Variants in HDAC4 observed in about 807,000 individuals in gnomAD.
HDAC4 encodes histone deacetylase A.
A neutral mutation model predicts 135.1 loss-of-function variants in HDAC4; 16 were observed. That is an observed-to-expected ratio of 0.12 (90% CI 0.08 to 0.18). The LOEUF (loss-of-function observed/expected upper bound fraction) is 0.18, where lower values mean the gene tolerates loss of function less well. HDAC4 is among the 10% of genes least tolerant of loss of function. The probability of loss-of-function intolerance (pLI) is 1.00; values close to 1 mark genes in which losing one functional copy is unlikely to be tolerated. For synonymous variants in HDAC4, 685 were observed against 653.4 expected, an observed-to-expected ratio of 1.05 and a Z score of -0.74; for missense variants, 1,143 against 1,511.8, an observed-to-expected ratio of 0.76 and a Z score of 4.05.
intron 2 of HDAC4, among the ~76,000 whole-genome samples, chr2:239,319,179 A>C (rs1334831346): frequency 6.6e-6 from 1 of 152,252 alleles, no homozygotes; most frequent in African/African-American, 2.4e-5. Context: ...AAAAACCAGA[A>C]TATCTGATAT....
intron 12 of HDAC4, among the ~76,000 whole-genome samples, chr2:239,125,933 G>A (rs2040154103): frequency 6.6e-6 from 1 of 152,248 alleles, no homozygotes; most frequent in African/African-American, 2.4e-5. Flanking sequence ...GGGCCCCCCG[G>A]CCCTGTACGC....
At chr2:239,324,050 G>C (rs1343340887) in intron 2 of HDAC4, among the ~76,000 whole-genome samples, 4 of 152,164 alleles carry the variant, frequency 2.6e-5, no homozygotes, top group Admixed American at 2.6e-4. Flanking sequence ...ACAAAGGCTG[G>C]TGTAACTTTT....
At chr2:239,233,458 GAA>G (rs76168990) in intron 3 of HDAC4, among the ~76,000 whole-genome samples, 58 of 128,360 alleles carry the variant, frequency 4.5e-4, no homozygotes, top group African/African-American at 1.3e-3. Flanking sequence ...TCCAAAATCC[GAA>G]AAAAAAAAAA....
In HDAC4 at chr2:239,230,368, C is replaced by CAAAAAAAAAAAA. The variant is rs56105562; in HGVS notation, c.94+6213_94+6224dup. Among the ~76,000 whole-genome samples, 33 of 79,390 alleles carry CAAAAAAAAAAAA rather than the reference C, an allele frequency of 4.2e-4. 1 individual carries two copies. The highest frequency in any genetic ancestry group is 1.1e-3 in the African/African-American group (22 of 19,326). The allele number at this position is 79,390 out of a possible 152,430, so 52.1% of individuals were successfully genotyped here. Reference sequence around the variant, plus strand: ...TAAAAATTAAAACAAAGCAAGCAAGCAAAAAAAAAAAAAAAAAAAAAAGCA... The same window carrying CAAAAAAAAAAAA: ...TAAAAATTAAAACAAAGCAAGCAAGCAAAAAAAAAAAAAAAAAAAAAAAAAAAAAAAAAAGCA... On this transcript the variant is annotated intron_variant, in intron 3 of 26. Coordinates refer to ENST00000543185, the MANE Select transcript of HDAC4 (RefSeq NM_001378414.1).
chr2:239,205,048 A>G (rs2045962782), intron 3 of HDAC4, among the ~76,000 whole-genome samples: 1 of 151,926 alleles, frequency 6.6e-6, no homozygotes, highest in Admixed American at 6.6e-5. Flanking sequence ...TCAGCACTGA[A>G]CTCCTGCAGG....
chr2:239,331,261 G>T lies in HDAC4; in HGVS notation c.22+21417C>A, dbSNP rs574428574. 6.6e-6 allele frequency among the ~76,000 whole-genome samples: 1 copy of T among 151,998 alleles called. No homozygotes were observed. The highest frequency in any genetic ancestry group is 1.5e-5 in the Non-Finnish European group (1 of 68,018). On this transcript the variant is annotated intron_variant, in intron 2 of 26. Transcript: ENST00000543185. The surrounding 1 kb of genome is among the most constrained non-coding windows in gnomAD (Gnocchi z 4.5). ...TGGAATGAATTCTTCCTTCATATTC[G>T]AGGGGAAAACGGTAAAAGCCACGAG...
chr2:239,183,807 A>G (rs1268243461), intron 4 of HDAC4, among the ~76,000 whole-genome samples: 3 of 152,174 alleles, frequency 2.0e-5, no homozygotes, highest in Non-Finnish European at 4.4e-5. Context: ...CAGCTGCCTC[A>G]GGTGACCAGA....
In HDAC4 at chr2:239,308,414, G is replaced by A. The variant is rs1380214009; in HGVS notation, c.22+44264C>T. ...AGGCTGTAATCAACTTGGGAGTGAG[G>A]AGTTCCTTAGCTTCCTGTTTTCAGA... On this transcript the variant is annotated intron_variant, in intron 2 of 26. Coordinates refer to ENST00000543185, the MANE Select transcript of HDAC4 (RefSeq NM_001378414.1). This position sits in a 1 kb window ranked among gnomAD's most constrained non-coding sequence, Gnocchi z 4.2. Among the ~76,000 whole-genome samples, 1 of 150,024 alleles carries A rather than the reference G, an allele frequency of 6.7e-6. No homozygotes were observed. Among genetic ancestry groups the A allele is most frequent in the Non-Finnish European group, 1.5e-5 (1 of 67,966 alleles).
chr2:239,200,793 C>T (rs2045707857), intron 3 of HDAC4, among the ~76,000 whole-genome samples: 2 of 152,002 alleles, frequency 1.3e-5, no homozygotes, highest in African/African-American at 4.8e-5. Flanking sequence ...GCATTCGACG[C>T]CGTGCTCGGA....
At chr2:239,376,504 G>T (rs547456767) in intron 1 of HDAC4, among the ~76,000 whole-genome samples, 20 of 152,326 alleles carry the variant, frequency 1.3e-4, no homozygotes, top group Middle Eastern at 6.8e-3. Context: ...TCAGAGGTGG[G>T]ACACAGACTC....
chr2:239,238,811 G>T (rs1019560164), intron 2 of HDAC4, among the ~76,000 whole-genome samples: 1 of 152,232 alleles, frequency 6.6e-6, no homozygotes, highest in Non-Finnish European at 1.5e-5. Context: ...GATACGTGGT[G>T]TTCCTGTATC....
At chr2:239,310,399 C>T (rs142931352) in intron 2 of HDAC4, among the ~76,000 whole-genome samples, 24 of 152,298 alleles carry the variant, frequency 1.6e-4, no homozygotes, top group Non-Finnish European at 2.8e-4. Context: ...TGCTCCCCCC[C>T]GAACCAAGTA....
chr2:239,148,751 G>C (rs2041921085), intron 7 of HDAC4, among the ~76,000 whole-genome samples: 1 of 152,216 alleles, frequency 6.6e-6, no homozygotes, highest in African/African-American at 2.4e-5. Context: ...GGAGGCCACG[G>C]AGCCCGGGAG....
chr2:239,370,186 G>A (rs1333073159), intron 1 of HDAC4, among the ~76,000 whole-genome samples: 1 of 152,172 alleles, frequency 6.6e-6, no homozygotes, highest in African/African-American at 2.4e-5. Context: ...GTTTAAAAAT[G>A]CAAAGACAAC....
rs573319048 is a variant in HDAC4, at chr2:239,273,851, C to T, written c.23-37187G>A. Among the ~76,000 whole-genome samples the T allele has an allele frequency of 2.6e-5, 4 of 152,352 alleles. No homozygotes were observed. In the East Asian group the frequency reaches 7.7e-4, roughly 29 times the overall value. The stretch of plus-strand genomic sequence containing the variant: ...GGCCCATTAGAACCCACGAACCTTA[C>T]TTAACACTTATTTGAACAACAGCCA... On this transcript the variant is annotated intron_variant, in intron 2 of 26. Coordinates refer to ENST00000543185, the MANE Select transcript of HDAC4 (RefSeq NM_001378414.1).
intron 1 of HDAC4, among the ~76,000 whole-genome samples, chr2:239,368,399 G>A (rs555822640): frequency 1.1e-4 from 17 of 152,296 alleles, no homozygotes; most frequent in African/African-American, 2.6e-4. Flanking sequence ...ACCATCTTGC[G>A]TGGCTGGCGC....
Position 239,092,145 on chromosome 2 carries a change from G to A in HDAC4, c.2281-2029C>T, listed in dbSNP as rs190310744. On this transcript the variant is annotated intron_variant, in intron 17 of 26. Transcript: ENST00000543185. ...TCCCCACAACTCAGGACGCTGAGGC[G>A]GGAAGATCACTTGAGCCCAGGAGGT... Among the ~76,000 whole-genome samples the A allele has an allele frequency of 2.4e-4, 36 of 152,182 alleles. No homozygotes were observed. In the East Asian group the frequency reaches 3.9e-3, roughly 16 times the overall value.
chr2:239,385,488 C>T (rs1312444180), intron 1 of HDAC4, among the ~76,000 whole-genome samples: 1 of 151,282 alleles, frequency 6.6e-6, no homozygotes, highest in Non-Finnish European at 1.5e-5. Context: ...GAAGGCAGAG[C>T]TAGAGCATGG....
At chr2:239,106,605 T>C (rs2038158453) in intron 15 of HDAC4, among the ~76,000 whole-genome samples, 2 of 152,218 alleles carry the variant, frequency 1.3e-5, no homozygotes, top group Admixed American at 1.3e-4. Context: ...CAGAGGGCAC[T>C]GCAGGAGAGG....
Sources: gnomAD v4.1 joint callset for allele counts (sites outside exome capture counted in the v4.1 genomes callset) on GRCh38, gnomAD v4.1.1 for gene constraint, Gnocchi (gnomAD v3.1) non-coding constraint, MANE v1.5 for transcripts, NCBI Gene and HGNC (gene_info 2026-07-23, HGNC 2026-07-21) for gene names.